The following MAOB variants were observed in gnomAD, a reference collection of about 807,000 sequenced individuals.
The protein encoded by MAOB is amine oxidase [flavin-containing] B.
A neutral mutation model predicts 41.9 loss-of-function variants in MAOB; 15 were observed. The observed-to-expected ratio is 0.36, with a 90% CI of 0.24 to 0.55. The LOEUF is 0.55. MAOB is among the 20% of genes least tolerant of loss of function. The pLI is 0.86. For synonymous variants in MAOB, 167 were observed against 144.2 expected, an observed-to-expected ratio of 1.16 and a Z score of -1.13; for missense variants, 345 against 398.7, an observed-to-expected ratio of 0.87 and a Z score of 1.15.
intron 3 of MAOB, among the ~76,000 whole-genome samples, chrX:43,804,108 C>T (rs899122127): frequency 9.0e-6 from 1 of 110,926 alleles, no homozygotes; most frequent in Non-Finnish European, 1.9e-5. Flanking sequence ...TTAAGAGACA[C>T]GCAAAAAAAC....
intron 3 of MAOB, among the ~76,000 whole-genome samples, chrX:43,807,343 T>G (rs1419662412): frequency 8.9e-6 from 1 of 112,084 alleles, no homozygotes; most frequent in African/African-American, 3.2e-5. Context: ...TCTTTGTAAT[T>G]CAACATCTAT....
At chrX:43,782,136 A>G (rs755770258) in intron 8 of MAOB, among the ~76,000 whole-genome samples, 85 of 111,392 alleles carry the variant, frequency 7.6e-4, no homozygotes, top group Non-Finnish European at 1.5e-3. Context: ...AATAACTAAG[A>G]TCAGAGCAGA....
Position 43,801,949 on chromosome X carries a change from G to A in MAOB, c.476+223C>T, listed in dbSNP as rs150833736. 9.7e-5 allele frequency among the ~76,000 whole-genome samples: 11 copies of A among 112,918 alleles called. No individual in the cohort carries two copies. The East Asian group carries it at 3.1e-3, about 31-fold the overall frequency. On this transcript the variant is annotated intron_variant, in intron 5 of 14. Coordinates refer to ENST00000378069, the MANE Select transcript of MAOB (RefSeq NM_000898.5). Reference sequence around the variant, plus strand: ...TCTGGTCTGTTCTGAGGACTTCACAGGGTAATACCACCTTTGTGATACAAA... The same window carrying A: ...TCTGGTCTGTTCTGAGGACTTCACAAGGTAATACCACCTTTGTGATACAAA...
At position 43,769,376 on chromosome X, in the gene MAOB, G is replaced by A. The variant is rs1409066288; in HGVS notation, c.1278C>T (p.Thr426=). ...QPVDRIYFAG[T]ETATHWSGYM... ...AGCCGCTCCAGTGTGTGGCAGTCTC[G>A]GTGCCTGCAAAGTAAATCCTGTCCA... is the stretch of plus-strand genomic sequence containing the variant. The change falls in exon 13 of 15, where the codon ACC becomes ACT. Residue 426 remains threonine (T), a synonymous_variant. Coordinates refer to ENST00000378069, the MANE Select transcript of MAOB (RefSeq NM_000898.5). 3.3e-6 allele frequency: 4 copies of A among 1,206,729 alleles called. No individual in the cohort carries two copies. The highest frequency in any genetic ancestry group is 2.2e-5 in the Admixed American group (1 of 45,390).
intron 8 of MAOB, among the ~76,000 whole-genome samples, chrX:43,783,660 G>T (rs984310993): frequency 8.0e-5 from 9 of 112,037 alleles, no homozygotes; most frequent in Admixed American, 3.8e-4. Flanking sequence ...CTTGTTGCTG[G>T]TGGAGGGGCT....
intron 1 of MAOB, among the ~76,000 whole-genome samples, chrX:43,880,236 T>C (rs769822079): frequency 6.2e-5 from 7 of 112,139 alleles, no homozygotes; most frequent in South Asian, 3.7e-4. Flanking sequence ...AATGAATCAA[T>C]GAATGGACCC....
intron 3 of MAOB, among the ~76,000 whole-genome samples, chrX:43,836,643 G>A (rs1023492419): frequency 3.6e-5 from 4 of 111,974 alleles, no homozygotes; most frequent in Non-Finnish European, 7.5e-5. Flanking sequence ...ACAGGAATAC[G>A]AAAATCTACG....
chrX:43,798,899 G>A (rs901300186), intron 5 of MAOB, among the ~76,000 whole-genome samples: 3 of 111,298 alleles, frequency 2.7e-5, no homozygotes, highest in Admixed American at 9.6e-5. Context: ...GCTAGAAAAC[G>A]GAGTCTCGGA....
chrX:43,815,427 G>A (rs1601999441), intron 3 of MAOB, among the ~76,000 whole-genome samples: 1 of 111,911 alleles, frequency 8.9e-6, no homozygotes, highest in Non-Finnish European at 1.9e-5. Context: ...TTCAAAAATA[G>A]AGACGACTAT....
At chrX:43,853,497 C>G (rs1159378772) in intron 1 of MAOB, among the ~76,000 whole-genome samples, 1 of 110,738 alleles carries the variant, frequency 9.0e-6, no homozygotes. Context: ...ATTTGGGTAG[C>G]ATGGTGTTGT....
At chrX:43,797,301 C>T (rs760182945) in intron 5 of MAOB, 35 bp from the exon 6 acceptor site, 13 of 1,077,910 alleles carry the variant, frequency 1.2e-5, no homozygotes, top group Admixed American at 3.2e-5. Context: ...ACTTGGCAAA[C>T]GCAGGAGAGC....
intron 3 of MAOB, among the ~76,000 whole-genome samples, chrX:43,836,523 T>A (rs1441799295): frequency 1.8e-5 from 2 of 112,300 alleles, no homozygotes; most frequent in African/African-American, 6.5e-5. Context: ...TGATAATTAA[T>A]TTGAGAGTAA....
At chrX:43,823,610 C>T (rs1278565169) in intron 3 of MAOB, among the ~76,000 whole-genome samples, 4 of 111,626 alleles carry the variant, frequency 3.6e-5, no homozygotes, top group Non-Finnish European at 7.5e-5. Flanking sequence ...AGCAAAAGAC[C>T]CCTGAGGCAA....
intron 12 of MAOB, among the ~76,000 whole-genome samples, chrX:43,773,486 G>A (rs1051317923): frequency 8.9e-6 from 1 of 112,820 alleles, no homozygotes; most frequent in Non-Finnish European, 1.9e-5. Context: ...TCTCAGCACA[G>A]TGCTTCGCAA....
At chrX:43,775,842 A>G (rs1379050666) in intron 11 of MAOB, among the ~76,000 whole-genome samples, 1 of 112,469 alleles carries the variant, frequency 8.9e-6, no homozygotes, top group Non-Finnish European at 1.9e-5. Flanking sequence ...GAGATTTTGT[A>G]AAGCTCAAAT....
chrX:43,818,696 G>A (rs1044727275), intron 3 of MAOB, among the ~76,000 whole-genome samples: 10 of 112,520 alleles, frequency 8.9e-5, no homozygotes, highest in African/African-American at 2.6e-4. Context: ...GACAGACCCA[G>A]GAGAAATCTA....
At chrX:43,846,632 A>G (rs1023787697) in intron 1 of MAOB, among the ~76,000 whole-genome samples, 3 of 111,397 alleles carry the variant, frequency 2.7e-5, no homozygotes, top group African/African-American at 9.8e-5. Flanking sequence ...ATTTTAGGGT[A>G]CATAGGAAAC....
At chrX:43,782,536 A>T (rs1160132673) in intron 8 of MAOB, among the ~76,000 whole-genome samples, 2 of 111,702 alleles carry the variant, frequency 1.8e-5, no homozygotes, top group African/African-American at 6.5e-5. Context: ...GACCAGACGG[A>T]TTCACAGCCA....
intron 1 of MAOB, among the ~76,000 whole-genome samples, chrX:43,868,683 C>T (rs1416077894): frequency 9.0e-6 from 1 of 111,434 alleles, no homozygotes; most frequent in Non-Finnish European, 1.9e-5. Flanking sequence ...AAAAAGCTAG[C>T]AGAGGACAGA....
Sources: gnomAD v4.1 joint callset for allele counts (sites outside exome capture counted in the v4.1 genomes callset) on GRCh38, gnomAD v4.1.1 for gene constraint, MANE v1.5 for transcripts, NCBI Gene and HGNC (gene_info 2026-07-23, HGNC 2026-07-21) for gene names.